The following TRIML2 variants were observed in gnomAD, a reference collection of about 807,000 sequenced individuals.
The protein encoded by TRIML2 is tripartite motif family like 2, also known as probable E3 ubiquitin-protein ligase TRIML2.
Under a neutral mutation model 31.2 loss-of-function variants are expected in TRIML2, and 28 were observed. The ratio of observed to expected loss-of-function variants is 0.90; its 90% CI spans 0.66 to 1.23. The LOEUF (loss-of-function observed/expected upper bound fraction) is 1.23. TRIML2 is among the 50% of genes most tolerant of loss of function. The probability of loss-of-function intolerance (pLI) is 0.00; values close to 1 mark genes in which losing one functional copy is unlikely to be tolerated. For synonymous variants in TRIML2, 187 were observed against 197.5 expected, an observed-to-expected ratio of 0.95 and a Z score of 0.45; for missense variants, 536 against 528.3, an observed-to-expected ratio of 1.01 and a Z score of -0.14.
At chr4:188,108,515 A>G (rs1042802561) in intron 1 of TRIML2, among the ~76,000 whole-genome samples, 5 of 152,304 alleles carry the variant, frequency 3.3e-5, no homozygotes, top group African/African-American at 1.2e-4. Context: ...TTAAAACCAA[A>G]ACCAAGTGAG....
chr4:188,109,112 T>C (rs562435712), intron 1 of TRIML2, 131 bp downstream of exon 1: 2 of 151,364 alleles, frequency 1.3e-5, no homozygotes, highest in Non-Finnish European at 2.9e-5. Context: ...TTGTTTTTCC[T>C]AATATTTTTC....
chr4:188,098,419 G>A (rs1044466101), intron 5 of TRIML2: 10 of 261,610 alleles, frequency 3.8e-5, no homozygotes, highest in Admixed American at 2.0e-4. Flanking sequence ...CTGCCCCCAG[G>A]CCCCACTCAC....
At chr4:188,106,273 G>C (rs34034636) in intron 1 of TRIML2, among the ~76,000 whole-genome samples, 1 of 151,872 alleles carries the variant, frequency 6.6e-6, no homozygotes, top group Non-Finnish European at 1.5e-5. Context: ...GGATGGTCTC[G>C]ATCTCCTGAC....
In TRIML2 at chr4:188,101,234, A is replaced by G; in HGVS notation, c.302T>C (p.Phe101Ser). ...MAMIQEEEQN[F>S]KKMIESEYSM... is the part of the protein sequence containing the mutation. ...ATACTCAGACTCAATCATCTTTTTA[A>G]AATTTTGTTCCTCTTCCTTCCTCAT... is the stretch of plus-strand genomic sequence containing the variant. Residue 101 changes from phenylalanine (F) to serine (S), a missense_variant, in exon 4 of 8, where the codon TTT becomes TCT. Physicochemically the swap from Phe to Ser is radical, Grantham distance 155. Coordinates refer to ENST00000682553, the MANE Select transcript of TRIML2 (RefSeq NM_173553.4). 2 of 1,610,668 alleles carry G rather than the reference A, an allele frequency of 1.2e-6. No homozygotes were observed. The highest frequency in any genetic ancestry group is 1.3e-5 in the African/African-American group (1 of 74,836).
chr4:188,091,671 A>G lies in TRIML2; in HGVS notation c.1016T>C (p.Val339Ala). The change falls in exon 8 of 8, where the codon GTC becomes GCC. Residue 339 changes from valine to alanine, a missense_variant. Physicochemically the swap from Val to Ala is moderately conservative, Grantham distance 64. Coordinates refer to ENST00000682553, the MANE Select transcript of TRIML2 (RefSeq NM_173553.4). ...GSTARASGEK[V>A]LLTGSVMGTE... Reference sequence around the variant, plus strand: ...CCCCATCACCGACCCCGTGAGCAAGACTTTCTCTCCGGAAGCTCTGGCCGT... The same window carrying G: ...CCCCATCACCGACCCCGTGAGCAAGGCTTTCTCTCCGGAAGCTCTGGCCGT... 1.9e-6 allele frequency: 3 copies of G among 1,613,258 alleles called. No individual in the cohort carries two copies. Among genetic ancestry groups the G allele is most frequent in the Non-Finnish European group, 2.5e-6 (3 of 1,179,320 alleles).
chr4:188,103,761 T>C (rs1037087149), intron 3 of TRIML2, among the ~76,000 whole-genome samples: 2 of 151,976 alleles, frequency 1.3e-5, no homozygotes, highest in Non-Finnish European at 2.9e-5. Flanking sequence ...GCAGAGCTGG[T>C]TTTTTTTGTT....
intron 5 of TRIML2, among the ~76,000 whole-genome samples, chr4:188,098,437 A>G (rs1432286056): frequency 1.3e-5 from 2 of 152,158 alleles, no homozygotes; most frequent in African/African-American, 4.8e-5. Flanking sequence ...CACTACCCAA[A>G]GGCCCCACCT....
rs184163876 is a variant in TRIML2, at chr4:188,097,982, C to G, written c.622-636G>C. ...ACTAAAAATACAAAAATTAGCTGGA[C>G]ATGGTGGTGGGCGCCTGTAATCCCA... On this transcript the variant is annotated intron_variant, in intron 5 of 7. Coordinates refer to ENST00000682553, the MANE Select transcript of TRIML2 (RefSeq NM_173553.4). Among the ~76,000 whole-genome samples the G allele has an allele frequency of 2.3e-3, 356 of 152,086 alleles. 1 individual carries two copies. The highest frequency in any genetic ancestry group is 3.4e-3 in the Middle Eastern group (1 of 294).
At chr4:188,095,092 T>TG (rs929732332) in intron 7 of TRIML2, among the ~76,000 whole-genome samples, 1 of 151,654 alleles carries the variant, frequency 6.6e-6, no homozygotes, top group African/African-American at 2.4e-5. Flanking sequence ...AAATAGAAGG[T>TG]GGGGGGAGGA....
intron 1 of TRIML2, among the ~76,000 whole-genome samples, chr4:188,108,111 T>A (rs7673270): frequency 0.76 from 116,083 of 151,984 alleles, 44,787 homozygotes; most frequent in African/African-American, 0.84. Flanking sequence ...CTCTAACTTG[T>A]CTGGTCTTGT....
At chr4:188,092,628 G>A (rs921304840) in intron 7 of TRIML2, among the ~76,000 whole-genome samples, 4 of 152,084 alleles carry the variant, frequency 2.6e-5, no homozygotes, top group Admixed American at 1.3e-4. Flanking sequence ...CAACTCATTC[G>A]TGGCCCTCCC....
chr4:188,096,130 G>A (rs1733497548), intron 7 of TRIML2, among the ~76,000 whole-genome samples: 1 of 152,206 alleles, frequency 6.6e-6, no homozygotes, highest in Non-Finnish European at 1.5e-5. Flanking sequence ...CAGGCGTGGT[G>A]GCTCACGCCT....
At chr4:188,094,972 G>A (rs78158338) in intron 7 of TRIML2, among the ~76,000 whole-genome samples, 13,302 of 152,110 alleles carry the variant, frequency 0.087, 1,220 homozygotes, top group African/African-American at 0.23. Flanking sequence ...AGACGTGATC[G>A]CATATACCAG....
rs752356233 is a variant in TRIML2 at position 188,105,165 on chromosome 4, G to A, written c.189+15C>T. 3.1e-6 allele frequency: 5 copies of A among 1,591,448 alleles called. No individual in the cohort carries two copies. Among genetic ancestry groups the A allele is most frequent in the African/African-American group, 1.3e-5 (1 of 74,668 alleles). Reference sequence around the variant, plus strand: ...TTGGCCAGAGTGTTTTGGGATTTGCGTGAGTGACTCTTACCCTGTAATTCT... The same window carrying A: ...TTGGCCAGAGTGTTTTGGGATTTGCATGAGTGACTCTTACCCTGTAATTCT... On this transcript the variant is annotated intron_variant, in intron 2 of 7. Coordinates refer to ENST00000682553, the MANE Select transcript of TRIML2 (RefSeq NM_173553.4).
chr4:188,098,913 C>G, intron 5 of TRIML2, 122 bp downstream of exon 5: 1 of 1,153,364 alleles, frequency 8.7e-7, no homozygotes, highest in Non-Finnish European at 1.2e-6. Flanking sequence ...GTCATGTAGC[C>G]TTCTTTTGTG....
intron 1 of TRIML2, chr4:188,106,524 G>T (rs6833212): frequency 0.11 from 16,011 of 149,568 alleles, 956 homozygotes; most frequent in African/African-American, 0.15. Context: ...ATCTTCGCGG[G>T]GGCGGCAGCC....
chr4:188,091,439 G>C lies in TRIML2; in HGVS notation c.1248C>G (p.Asp416Glu). ...PVFSLCIPNG[D>E]TSPDSLTILQ... Reference sequence around the variant, plus strand: ...AGATGGTGAGGGAGTCTGGACTTGTGTCTCCATTTGGGATACAGAGGGAAA... The same window carrying C: ...AGATGGTGAGGGAGTCTGGACTTGTCTCTCCATTTGGGATACAGAGGGAAA... The change falls in exon 8 of 8, where the codon GAC becomes GAG. Residue 416 changes from aspartate to glutamate, a missense_variant. Physicochemically the swap from Asp to Glu is conservative, Grantham distance 45 (BLOSUM62 2). Transcript: ENST00000682553. The C allele has an allele frequency of 6.2e-7, 1 of 1,614,186 alleles. No individual in the cohort carries two copies. The highest frequency in any genetic ancestry group is 2.2e-5 in the East Asian group (1 of 44,880).
intron 7 of TRIML2, among the ~76,000 whole-genome samples, chr4:188,096,125 G>A (rs949142499): frequency 4.6e-5 from 7 of 152,210 alleles, no homozygotes; most frequent in South Asian, 2.1e-4. Context: ...GCAGCCAGGC[G>A]TGGTGGCTCA....
intron 6 of TRIML2, 58 bp from the exon 7 acceptor site, chr4:188,097,219 G>A (rs948111115): frequency 1.3e-6 from 2 of 1,592,184 alleles, no homozygotes; most frequent in Admixed American, 1.7e-5. Context: ...TTAGTCTACT[G>A]GATGGATCCC....
Sources: allele counts gnomAD v4.1 joint callset (sites outside exome capture counted in the v4.1 genomes callset), GRCh38; gene constraint gnomAD v4.1.1; transcripts MANE v1.5; gene names NCBI Gene and HGNC (gene_info 2026-07-23, HGNC 2026-07-21).